SEZ6L: variants seen among roughly 807,000 people sequenced by gnomAD.
SEZ6L encodes seizure related 6 homolog like.
SEZ6L carries 37 observed loss-of-function variants against 106.2 expected under a neutral mutation model. The observed-to-expected ratio is 0.35, with a 90% CI of 0.27 to 0.46. SEZ6L has a LOEUF of 0.46. Ranked by LOEUF, SEZ6L falls within the 20% of genes least tolerant of loss-of-function variation. The pLI, the probability that SEZ6L is intolerant of heterozygous loss-of-function variation, is 1.00. For synonymous variants in SEZ6L, 541 were observed against 570.4 expected, an observed-to-expected ratio of 0.95 and a Z score of 0.73; for missense variants, 1,172 against 1,332.8, an observed-to-expected ratio of 0.88 and a Z score of 1.88.
At position 26,274,737 on chromosome 22, in the gene SEZ6L, C is replaced by G. The variant is rs1424339725; in HGVS notation, c.95-17669C>G. 1.3e-5 allele frequency among the ~76,000 whole-genome samples: 2 copies of G among 152,164 alleles called. 1 individual carries two copies. Among genetic ancestry groups the G allele is most frequent in the Non-Finnish European group, 2.9e-5 (2 of 68,036 alleles). ...AAACCAGGCACAGCTTCCAGCTTTC[C>G]TCTCCGTGTGGGGCCCCATGGACAG... On this transcript the variant is annotated intron_variant, in intron 1 of 16. Transcript: ENST00000248933.
intron 1 of SEZ6L, among the ~76,000 whole-genome samples, chr22:26,257,197 C>T (rs766140522): frequency 1.3e-5 from 2 of 152,180 alleles, no homozygotes; most frequent in Non-Finnish European, 2.9e-5. Flanking sequence ...CCAGCCCAAA[C>T]TTCAATTGTA....
chr22:26,245,729 A>G (rs911773995), intron 1 of SEZ6L, among the ~76,000 whole-genome samples: 1 of 152,114 alleles, frequency 6.6e-6, no homozygotes, highest in Non-Finnish European at 1.5e-5. Flanking sequence ...GACCTTGAGA[A>G]AGTCACTTCC....
At chr22:26,334,296 C>T (rs968792551) in intron 9 of SEZ6L, among the ~76,000 whole-genome samples, 1 of 152,150 alleles carries the variant, frequency 6.6e-6, no homozygotes, top group Non-Finnish European at 1.5e-5. Context: ...TCCTCACCCC[C>T]TAACCCTTGA....
At chr22:26,318,155 C>T (rs1296747473) in intron 9 of SEZ6L, among the ~76,000 whole-genome samples, 1 of 151,850 alleles carries the variant, frequency 6.6e-6, no homozygotes, top group Non-Finnish European at 1.5e-5. Context: ...CTCACTGCAA[C>T]CTCCGATTCC....
intron 9 of SEZ6L, among the ~76,000 whole-genome samples, chr22:26,331,155 A>C (rs1422904610): frequency 6.6e-6 from 1 of 152,170 alleles, no homozygotes; most frequent in African/African-American, 2.4e-5. Flanking sequence ...CCTGCTGGGG[A>C]AGTCAGCCCA....
At chr22:26,234,714 A>T (rs1260671223) in intron 1 of SEZ6L, among the ~76,000 whole-genome samples, 1 of 152,264 alleles carries the variant, frequency 6.6e-6, no homozygotes, top group Non-Finnish European at 1.5e-5. Flanking sequence ...AACATTTAGT[A>T]AACTATATAC....
chr22:26,295,851 GGTT>G (rs1224795750), intron 3 of SEZ6L, among the ~76,000 whole-genome samples: 1 of 152,202 alleles, frequency 6.6e-6, no homozygotes, highest in East Asian at 1.9e-4. Context: ...GTGTTTTAGA[GGTT>G]GTTGTAGAAT....
At position 26,347,891 on chromosome 22, in the gene SEZ6L, C is replaced by T; in HGVS notation, c.2385C>T (p.Ser795=). ...GCCAGTGGGACCTCAGCTGGAGCAGCGACCCCCCATTTTGTGAGAAAAGTA... is the reference window on the plus strand; with the variant it reads ...GCCAGTGGGACCTCAGCTGGAGCAGTGACCCCCCATTTTGTGAGAAAAGTA... ...LTCQWDLSWS[S]DPPFCEKIMY... The change falls in exon 11 of 17, where the codon AGC becomes AGT. Residue 795 remains serine (S), a synonymous_variant. Transcript: ENST00000248933. 7 of 1,570,990 alleles carry T rather than the reference C, an allele frequency of 4.5e-6. No individual in the cohort carries two copies. Among genetic ancestry groups the T allele is most frequent in the East Asian group, 2.4e-5 (1 of 42,396 alleles).
chr22:26,298,692 T>C (rs979158975), intron 4 of SEZ6L, among the ~76,000 whole-genome samples: 2 of 152,172 alleles, frequency 1.3e-5, no homozygotes, highest in Non-Finnish European at 2.9e-5. Flanking sequence ...CCAATCTGTC[T>C]CTACATAGAT....
chr22:26,336,655 G>A (rs1288472691), intron 9 of SEZ6L, among the ~76,000 whole-genome samples: 1 of 152,146 alleles, frequency 6.6e-6, no homozygotes, highest in Non-Finnish European at 1.5e-5. Context: ...TTTACAATGT[G>A]CATTTATATA....
chr22:26,299,225 C>T (rs1009353189), intron 5 of SEZ6L, 56 bp downstream of exon 5: 42 of 1,297,804 alleles, frequency 3.2e-5, no homozygotes, highest in Middle Eastern at 5.8e-4. Flanking sequence ...AGGGGAAAGA[C>T]CAACCTGTAG....
intron 15 of SEZ6L, 28 bp from the exon 16 acceptor site, chr22:26,377,645 T>C: frequency 6.4e-7 from 1 of 1,550,518 alleles, no homozygotes; most frequent in Non-Finnish European, 8.9e-7. Context: ...TGGGGAGAAG[T>C]AACTTCTCTC....
At chr22:26,221,270 T>A (rs1370183832) in intron 1 of SEZ6L, among the ~76,000 whole-genome samples, 1 of 152,186 alleles carries the variant, frequency 6.6e-6, no homozygotes, top group Non-Finnish European at 1.5e-5. Flanking sequence ...CTGGTCTTTT[T>A]TCAAGCCTTG....
At chr22:26,209,845 A>AAGAAATGAAGGAAAGAAGGGAGAG (rs2078098641) in intron 1 of SEZ6L, among the ~76,000 whole-genome samples, 1 of 60,576 alleles carries the variant, frequency 1.7e-5, no homozygotes, top group Non-Finnish European at 3.5e-5. Context: ...AGGAGGAAGG[A>AAGAAATGAAGGAAAGAAGGGAGAG]AGGAATGAAG....
intron 5 of SEZ6L, among the ~76,000 whole-genome samples, chr22:26,301,370 G>A (rs1378205284): frequency 2.0e-5 from 3 of 152,200 alleles, no homozygotes; most frequent in Non-Finnish European, 2.9e-5. Context: ...TGTGTGGTAG[G>A]CATTGCACCT....
chr22:26,243,731 G>A (rs1416048061), intron 1 of SEZ6L, among the ~76,000 whole-genome samples: 1 of 152,126 alleles, frequency 6.6e-6, no homozygotes, highest in Non-Finnish European at 1.5e-5. Context: ...TGAGAGTAGG[G>A]CAACTAAAAG....
chr22:26,362,200 T>G (rs981663128), intron 12 of SEZ6L, among the ~76,000 whole-genome samples: 2 of 152,232 alleles, frequency 1.3e-5, no homozygotes, highest in Non-Finnish European at 2.9e-5. Flanking sequence ...CATGATTGAC[T>G]TAAGCAAGGC....
chr22:26,229,237 T>C (rs1383210951), intron 1 of SEZ6L, among the ~76,000 whole-genome samples: 1 of 152,184 alleles, frequency 6.6e-6, no homozygotes, highest in Non-Finnish European at 1.5e-5. Flanking sequence ...CCTCAGGTGA[T>C]CCACCCGCCT....
At chr22:26,357,847 C>G (rs1026552687) in intron 12 of SEZ6L, among the ~76,000 whole-genome samples, 12 of 152,164 alleles carry the variant, frequency 7.9e-5, no homozygotes, top group African/African-American at 2.9e-4. Context: ...CTGAGGTAAC[C>G]ATCCCAAAGA....
Sources: allele counts gnomAD v4.1 joint callset (sites outside exome capture counted in the v4.1 genomes callset), GRCh38; gene constraint gnomAD v4.1.1; transcripts MANE v1.5; gene names NCBI Gene and HGNC (gene_info 2026-07-23, HGNC 2026-07-21).